Variants in ZNF254 observed in about 807,000 individuals in gnomAD.
ZNF254 encodes the protein CTD-2017D11.1.
Under a neutral mutation model 12.4 loss-of-function variants are expected in ZNF254, and 10 were observed. The ratio of observed to expected loss-of-function variants is 0.80; its 90% CI spans 0.50 to 1.36. ZNF254 has a LOEUF of 1.36. Ranked by LOEUF, ZNF254 falls within the 40% of genes most tolerant of loss-of-function variation. ZNF254 has a pLI of 0.00. For synonymous variants in ZNF254, 305 were observed against 253.4 expected (o/e 1.20, Z -1.93); for missense variants, 996 against 763.9 (o/e 1.30, Z -3.58).
chr19:24,101,665 G>T (rs1379996626), intron 1 of ZNF254, among the ~76,000 whole-genome samples: 1 of 152,210 alleles, frequency 6.6e-6, no homozygotes, highest in Non-Finnish European at 1.5e-5. Flanking sequence ...AGGTTCTGCA[G>T]CTCCACCAGG....
intron 2 of ZNF254, among the ~76,000 whole-genome samples, chr19:24,055,058 C>CTGGGCA (rs1470760651): frequency 1.3e-5 from 2 of 151,366 alleles, no homozygotes; most frequent in Non-Finnish European, 2.9e-5. Context: ...AAAAAATTAG[C>CTGGGCA]TGGGCATGGT....
intron 2 of ZNF254, among the ~76,000 whole-genome samples, chr19:24,081,611 C>T (rs905005276): frequency 6.6e-6 from 1 of 152,110 alleles, no homozygotes; most frequent in Non-Finnish European, 1.5e-5. Flanking sequence ...AACTATATGC[C>T]TGGAACAACC....
At chr19:24,091,780 A>G (rs1470502754) in intron 1 of ZNF254, 13 of 933,102 alleles carry the variant, frequency 1.4e-5, no homozygotes, top group African/African-American at 1.8e-5. Context: ...GGTGTGAGCC[A>G]CTGCGCCCAG....
chr19:24,106,043 A>G lies in ZNF254; in HGVS notation c.134A>G (p.Asn45Ser), dbSNP rs1288212288. The stretch of plus-strand genomic sequence containing the variant: ...TTATATAGAAATGTGATGTTAGAGA[A>G]CTACAGAAACCTGGCCTTCCTGGGT... ...QNLYRNVMLE[N>S]YRNLAFLGIA... The change falls in exon 2 of 4, where the codon AAC becomes AGC. Residue 45 changes from asparagine to serine, a missense_variant. Physicochemically the swap from Asn to Ser is conservative, Grantham distance 46. Transcript: ENST00000357002. The G allele has an allele frequency of 6.3e-7, 1 of 1,596,482 alleles. No homozygotes were observed.
intron 1 of ZNF254, among the ~76,000 whole-genome samples, chr19:24,045,850 G>A (rs77112020): frequency 0.021 from 3,116 of 151,726 alleles, 115 homozygotes; most frequent in African/African-American, 0.071. Context: ...TTTTTAGAAT[G>A]TCTCCTTGGG....
In ZNF254 at chr19:24,074,133, G is replaced by C. The variant is rs575030281; in HGVS notation, c.-94+27854G>C. 9.5e-4 allele frequency among the ~76,000 whole-genome samples: 144 copies of C among 152,284 alleles called. 1 individual carries two copies. Among genetic ancestry groups the C allele is most frequent in the African/African-American group, 3.4e-3 (140 of 41,550 alleles). On this transcript the variant is annotated intron_variant, in intron 2 of 4. Transcript: ENST00000613065. ...GGGTCATTGTGACATATTGCTATGT[G>C]CAGCATCCAGGTGATGTAACTCTCT...
At chr19:24,042,944 A>T (rs1255928432) in intron 1 of ZNF254, among the ~76,000 whole-genome samples, 1 of 152,136 alleles carries the variant, frequency 6.6e-6, no homozygotes, top group Admixed American at 6.5e-5. Context: ...GGAGGGATGG[A>T]TTTCCCAAGT....
chr19:24,088,846 C>T (rs1015220518), intron 1 of ZNF254, among the ~76,000 whole-genome samples: 3 of 151,578 alleles, frequency 2.0e-5, no homozygotes, highest in African/African-American at 4.9e-5. Context: ...TAGTAGAGAC[C>T]GGGCTTCACT....
chr19:24,076,817 C>A (rs1178462882), intron 2 of ZNF254, among the ~76,000 whole-genome samples: 2 of 152,156 alleles, frequency 1.3e-5, no homozygotes, highest in African/African-American at 2.4e-5. Flanking sequence ...GGAGTTCCCA[C>A]TGTGAAAGAA....
chr19:24,069,349 C>T (rs1224566676), intron 2 of ZNF254, among the ~76,000 whole-genome samples: 3 of 148,006 alleles, frequency 2.0e-5, no homozygotes, highest in Non-Finnish European at 4.4e-5. Flanking sequence ...AGGCTCAAGC[C>T]TGTAATCCCA....
upstream of ZNF254, among the ~76,000 whole-genome samples, chr19:24,086,560 C>T (rs1393587399): frequency 6.6e-6 from 1 of 152,106 alleles, no homozygotes; most frequent in African/African-American, 2.4e-5. Context: ...TCACTGCAGC[C>T]TCCACCTCCC....
chr19:24,118,198 C>G (rs1288948315), intron 3 of ZNF254, among the ~76,000 whole-genome samples: 1 of 151,850 alleles, frequency 6.6e-6, no homozygotes, highest in Non-Finnish European at 1.5e-5. Context: ...GGATTACAGG[C>G]ACGTGCCACC....
intron 3 of ZNF254, 103 bp from the exon 4 acceptor site, chr19:24,126,150 AT>A (rs1407037231): frequency 4.8e-5 from 37 of 768,434 alleles, no homozygotes; most frequent in Admixed American, 7.6e-5. Context: ...TTGCAATGCT[AT>A]CTTGTCTATG....
At chr19:24,126,204 A>C (rs928246869) in intron 3 of ZNF254, 50 bp from the exon 4 acceptor site, 1 of 1,241,734 alleles carries the variant, frequency 8.1e-7, no homozygotes, top group East Asian at 2.8e-5. Context: ...AACTATATTC[A>C]TGTGAGTCTA....
chr19:24,068,331 C>G (rs1030745032), intron 2 of ZNF254, among the ~76,000 whole-genome samples: 1 of 151,508 alleles, frequency 6.6e-6, no homozygotes, highest in African/African-American at 2.4e-5. Flanking sequence ...GGCAGAGTCT[C>G]ACTCTGTTGC....
chr19:24,094,359 C>G (rs1012890705), intron 1 of ZNF254, among the ~76,000 whole-genome samples: 6 of 152,074 alleles, frequency 3.9e-5, no homozygotes, highest in Non-Finnish European at 8.8e-5. Context: ...CTCCCAGGTT[C>G]AAGTGATTCT....
chr19:24,106,059 C>A lies in ZNF254; in HGVS notation c.150C>A (p.Ala50=). 1 of 1,591,508 alleles carries A rather than the reference C, an allele frequency of 6.3e-7. No homozygotes were observed. Among genetic ancestry groups the A allele is most frequent in the Non-Finnish European group, 8.6e-7 (1 of 1,167,546 alleles). ...NVMLENYRNL[A]FLGIAVSKPD... The stretch of plus-strand genomic sequence containing the variant: ...TGTTAGAGAACTACAGAAACCTGGC[C>A]TTCCTGGGTGAGGATAACTTTAATA... Residue 50 remains alanine, a synonymous_variant, in exon 2 of 4, where the codon GCC becomes GCA. Transcript: ENST00000357002.
rs942842445 is a variant in ZNF254 at position 24,127,569 on chromosome 19, T to C, written c.1569T>C (p.Cys523=). The C allele has an allele frequency of 2.5e-6, 4 of 1,613,484 alleles. No homozygotes were observed. Among genetic ancestry groups the C allele is most frequent in the Admixed American group, 3.3e-5 (2 of 59,984 alleles). ...TGEKPYKCEE[C]GKAFNWSSTL... ...AGAAACCCTACAAATGTGAAGAATG[T>C]GGCAAAGCCTTTAACTGGTCCTCAA... is the stretch of plus-strand genomic sequence containing the variant. The change falls in exon 4 of 4, where the codon TGT becomes TGC. Residue 523 remains cysteine (C), a synonymous_variant. Transcript: ENST00000357002.
At chr19:24,122,253 C>G (rs1170681901) in intron 3 of ZNF254, among the ~76,000 whole-genome samples, 1 of 151,852 alleles carries the variant, frequency 6.6e-6, no homozygotes, top group Non-Finnish European at 1.5e-5. Context: ...GAGGTGGAGT[C>G]TTGCTCTGTC....
Sources: gnomAD v4.1 joint callset for allele counts (sites outside exome capture counted in the v4.1 genomes callset) on GRCh38, gnomAD v4.1.1 for gene constraint, MANE v1.5 for transcripts, NCBI Gene and HGNC (gene_info 2026-07-23, HGNC 2026-07-21) for gene names.